The following PVT1 variants were observed in gnomAD, a reference collection of about 807,000 sequenced individuals.
PVT1 encodes CXCR4/PVT1 fusion.
At chr8:127,852,743 C>T (rs888868774) in intron 2 of PVT1, among the ~76,000 whole-genome samples, 1 of 152,188 alleles carries the variant, frequency 6.6e-6, no homozygotes, top group Non-Finnish European at 1.5e-5. Context: ...AAGAAGCCTG[C>T]CCAGCCCTCC....
chr8:127,975,358 T>C (rs1021098672), intron 3 of PVT1, among the ~76,000 whole-genome samples: 1 of 152,226 alleles, frequency 6.6e-6, no homozygotes, highest in African/African-American at 2.4e-5. Context: ...GGATGCAGAA[T>C]GATCTCTTGT....
intron 2 of PVT1, among the ~76,000 whole-genome samples, chr8:127,873,007 G>A (rs927253802): frequency 2.6e-4 from 40 of 152,278 alleles, no homozygotes; most frequent in African/African-American, 8.7e-4. Context: ...CTCCTACTGA[G>A]CCCCGCATGG....
chr8:127,878,916 G>A (rs975633752), intron 2 of PVT1, among the ~76,000 whole-genome samples: 6 of 152,214 alleles, frequency 3.9e-5, no homozygotes, highest in Non-Finnish European at 8.8e-5. Context: ...CTGAGCCTAG[G>A]GGGAATGATA....
rs148536266 is a variant in PVT1 at position 128,058,861 on chromosome 8, C to T, written n.913-11299C>T. ...ACAGCAGGGCTTCAGGGTGGATTTA[C>T]CTTTCCAGCCTCATCTGTTTGGCAC... On this transcript the variant is annotated intron_variant and non_coding_transcript_variant, in intron 4 of 10. Transcript: ENST00000651587. Among the ~76,000 whole-genome samples, 586 of 152,296 alleles carry T rather than the reference C, an allele frequency of 3.8e-3. 1 individual carries two copies. Among genetic ancestry groups the T allele is most frequent in the African/African-American group, 0.013 (526 of 41,558 alleles).
intron 4 of PVT1, among the ~76,000 whole-genome samples, chr8:128,057,148 C>T (rs1813771470): frequency 6.6e-6 from 1 of 152,186 alleles, no homozygotes; most frequent in Non-Finnish European, 1.5e-5. Flanking sequence ...CCAGGTCCAG[C>T]TTCTGGGTGA....
At chr8:128,010,821 C>T (rs1379674372) in intron 4 of PVT1, among the ~76,000 whole-genome samples, 4 of 152,184 alleles carry the variant, frequency 2.6e-5, no homozygotes, top group Non-Finnish European at 4.4e-5. Flanking sequence ...CACTTGATCT[C>T]ACTACAACAG....
At chr8:127,853,557 G>A (rs1246792642) in intron 2 of PVT1, among the ~76,000 whole-genome samples, 1 of 152,138 alleles carries the variant, frequency 6.6e-6, no homozygotes, top group African/African-American at 2.4e-5. Context: ...AAAGCTGGGG[G>A]ATCACCTGAG....
At chr8:127,927,589 C>T (rs1400133319) in intron 3 of PVT1, among the ~76,000 whole-genome samples, 1 of 152,192 alleles carries the variant, frequency 6.6e-6, no homozygotes, top group African/African-American at 2.4e-5. Context: ...ACTTTGCTCA[C>T]TTCATGAATG....
At chr8:127,910,822 C>T (rs1815887463) in intron 3 of PVT1, among the ~76,000 whole-genome samples, 1 of 151,882 alleles carries the variant, frequency 6.6e-6, no homozygotes, top group Non-Finnish European at 1.5e-5. Flanking sequence ...TGCTGGTGTT[C>T]CAGCCCCAAC....
chr8:127,794,607 G>C (rs1279060151), exon 1 of PVT1: 1 of 152,672 alleles, frequency 6.5e-6, no homozygotes, highest in African/African-American at 2.4e-5. Context: ...CCGGGACGAG[G>C]AGGGGCGACG....
At chr8:128,066,511 G>A (rs746415115) in intron 4 of PVT1, among the ~76,000 whole-genome samples, 23 of 152,232 alleles carry the variant, frequency 1.5e-4, no homozygotes, top group South Asian at 4.1e-4. Context: ...GCATAACAGC[G>A]TCACTTCTGA....
At chr8:127,831,013 A>G (rs1814841816) in intron 2 of PVT1, among the ~76,000 whole-genome samples, 1 of 151,814 alleles carries the variant, frequency 6.6e-6, no homozygotes, top group African/African-American at 2.4e-5. Flanking sequence ...GTATAAGTTA[A>G]TATTTAATAA....
chr8:127,890,497 T>C (rs1381704238), intron 2 of PVT1: 1 of 152,264 alleles, frequency 6.6e-6, no homozygotes, highest in Non-Finnish European at 1.5e-5. Flanking sequence ...TTACACTCTG[T>C]TAGGGCCAAA....
intron 2 of PVT1, among the ~76,000 whole-genome samples, chr8:127,809,029 CAAAA>C (rs1158760672): frequency 3.2e-4 from 9 of 28,284 alleles, no homozygotes; most frequent in South Asian, 2.9e-3. Flanking sequence ...GATTCCATCT[CAAAA>C]AAAAAAAAAA....
At chr8:127,867,593 G>A (rs4427136) in intron 2 of PVT1, among the ~76,000 whole-genome samples, 59,648 of 152,110 alleles carry the variant, frequency 0.39, 15,126 homozygotes, top group African/African-American at 0.72. Flanking sequence ...AGGCCGGGCT[G>A]TTGGGATGGT....
chr8:127,886,036 G>T (rs1032644215), intron 2 of PVT1, among the ~76,000 whole-genome samples: 3 of 152,076 alleles, frequency 2.0e-5, no homozygotes, highest in African/African-American at 7.2e-5. Context: ...GGTGGAAGTT[G>T]CAGTGAGCTG....
chr8:127,884,772 T>G (rs901374469), intron 2 of PVT1, among the ~76,000 whole-genome samples: 23 of 152,354 alleles, frequency 1.5e-4, no homozygotes, highest in Non-Finnish European at 8.8e-5. Context: ...GAAATCCCGG[T>G]GTACAATGCC....
chr8:128,037,563 A>G (rs896805699), intron 4 of PVT1, among the ~76,000 whole-genome samples: 14 of 152,112 alleles, frequency 9.2e-5, no homozygotes, highest in African/African-American at 2.9e-4. Context: ...ATTTGGAGGG[A>G]GGATCTCAAT....
At chr8:128,049,078 A>G (rs1813654208) in intron 4 of PVT1, 2 of 492,540 alleles carry the variant, frequency 4.1e-6, no homozygotes, top group Non-Finnish European at 8.0e-6. Flanking sequence ...GCAAGGGATG[A>G]CATTTCTTAT....
Sources: allele counts gnomAD v4.1 joint callset (sites outside exome capture counted in the v4.1 genomes callset), GRCh38; gene constraint gnomAD v4.1.1; transcripts MANE v1.5; gene names NCBI Gene and HGNC (gene_info 2026-07-23, HGNC 2026-07-21).